The following LUZP1 variants were observed in gnomAD, a reference collection of about 807,000 sequenced individuals.
LUZP1 encodes the protein leucine zipper protein 1, also known as filamin mechanobinding actin cross-linking protein.
Under a neutral mutation model 71.3 loss-of-function variants are expected in LUZP1, and 25 were observed. The ratio of observed to expected loss-of-function variants is 0.35; its 90% CI spans 0.26 to 0.49. The LOEUF is 0.49. LUZP1 is among the 20% of genes least tolerant of loss of function. The pLI is 0.99. For synonymous variants in LUZP1, 481 were observed against 506.4 expected, an observed-to-expected ratio of 0.95 and a Z score of 0.67; for missense variants, 1,142 against 1,300.8, an observed-to-expected ratio of 0.88 and a Z score of 1.88.
At chr1:23,096,280 G>A (rs115187750) in intron 3 of LUZP1, among the ~76,000 whole-genome samples, 2 of 152,254 alleles carry the variant, frequency 1.3e-5, no homozygotes, top group South Asian at 2.1e-4. Context: ...AGAGAGATAC[G>A]TAATTACAAA....
intron 2 of LUZP1, among the ~76,000 whole-genome samples, chr1:23,166,289 C>T (rs2776822): frequency 0.59 from 89,371 of 151,896 alleles, 29,193 homozygotes; most frequent in African/African-American, 0.89. Flanking sequence ...TCCAGTGCCA[C>T]TTCTTACTAG....
Position 23,094,059 on chromosome 1 carries a change from A to T in LUZP1, c.203T>A (p.Leu68Gln), listed in dbSNP as rs748116830. The T allele has an allele frequency of 6.2e-7, 1 of 1,614,188 alleles. No individual in the cohort carries two copies. The highest frequency in any genetic ancestry group is 8.5e-7 in the Non-Finnish European group (1 of 1,180,034). The change falls in exon 4 of 5, where the codon CTG (leucine) becomes CAG (glutamine). Residue 68 changes from leucine (L) to glutamine (Q), a missense_variant. By Grantham distance (113) the Leu-to-Gln change is moderately radical (BLOSUM62 -2). Coordinates refer to ENST00000302291, the Ensembl canonical transcript of LUZP1. The surrounding 1 kb of genome is among the most constrained non-coding windows in gnomAD (Gnocchi z 4.7). ...TTCAATTCTCAGCACCCGCTGGCGCAGCACTTCAATCTCCGCCAACATGCT... is the reference window on the plus strand; with the variant it reads ...TTCAATTCTCAGCACCCGCTGGCGCTGCACTTCAATCTCCGCCAACATGCT...
intron 3 of LUZP1, among the ~76,000 whole-genome samples, chr1:23,095,237 G>A (rs1269897027): frequency 6.6e-6 from 1 of 152,166 alleles, no homozygotes; most frequent in Non-Finnish European, 1.5e-5. Flanking sequence ...AGAATGGATT[G>A]ATAAATGTAT....
At chr1:23,126,807 G>T (rs1644175778) in intron 2 of LUZP1, among the ~76,000 whole-genome samples, 1 of 152,192 alleles carries the variant, frequency 6.6e-6, no homozygotes, top group Non-Finnish European at 1.5e-5. Flanking sequence ...GCCCAGAGAG[G>T]CTCTCTGCTA....
intron 3 of LUZP1, among the ~76,000 whole-genome samples, chr1:23,102,140 T>C (rs1319135625): frequency 6.6e-6 from 1 of 152,152 alleles, no homozygotes; most frequent in Non-Finnish European, 1.5e-5. Context: ...CTGTTTATAT[T>C]AAACCTTGGG....
At chr1:23,142,905 C>T (rs1326307091) in intron 2 of LUZP1, among the ~76,000 whole-genome samples, 1 of 151,628 alleles carries the variant, frequency 6.6e-6, no homozygotes, top group African/African-American at 2.4e-5. Flanking sequence ...GTGGCTCATA[C>T]CTATAATCCT....
chr1:23,165,857 T>A (rs1644505428), intron 2 of LUZP1, among the ~76,000 whole-genome samples: 1 of 152,088 alleles, frequency 6.6e-6, no homozygotes, highest in Non-Finnish European at 1.5e-5. Flanking sequence ...GTTACCTTAA[T>A]GATGGCCGCT....
intron 2 of LUZP1, chr1:23,109,478 C>G (rs1270477821): frequency 6.6e-6 from 1 of 152,202 alleles, no homozygotes; most frequent in African/African-American, 2.4e-5. Context: ...TCTCAGAAAT[C>G]AGCTACAGGT....
intron 2 of LUZP1, among the ~76,000 whole-genome samples, chr1:23,149,713 G>A (rs915355533): frequency 2.6e-5 from 4 of 152,134 alleles, no homozygotes; most frequent in South Asian, 2.1e-4. Flanking sequence ...GGTGGTTCAC[G>A]CCTATAATCC....
chr1:23,151,036 C>T (rs538299120), intron 2 of LUZP1, among the ~76,000 whole-genome samples: 2 of 152,106 alleles, frequency 1.3e-5, no homozygotes, highest in East Asian at 3.9e-4. Flanking sequence ...TGATTTAGAA[C>T]TGGGTTTTTT....
chr1:23,167,903 G>A (rs1010169623), intron 2 of LUZP1, among the ~76,000 whole-genome samples: 4 of 151,942 alleles, frequency 2.6e-5, no homozygotes, highest in Non-Finnish European at 5.9e-5. Context: ...CGGGGGCCGG[G>A]GGTGCGCCGG....
exon 5 of LUZP1, chr1:23,088,886 C>A: frequency 6.2e-7 from 1 of 1,612,830 alleles, no homozygotes; most frequent in Non-Finnish European, 8.5e-7. Context: ...CAACAGACAC[C>A]CAGCGGGCTC....
At chr1:23,117,693 AC>A (rs1644096513) in intron 2 of LUZP1, among the ~76,000 whole-genome samples, 1 of 151,780 alleles carries the variant, frequency 6.6e-6, no homozygotes, top group Non-Finnish European at 1.5e-5. Flanking sequence ...TCTGCCTCCC[AC>A]CCCTAAGCCC....
At position 23,094,027 on chromosome 1, in the gene LUZP1, CT is replaced by C. The variant is rs772605229; in HGVS notation, c.234del (p.Asp79ThrfsTer13). The C allele has an allele frequency of 6.2e-7, 1 of 1,614,204 alleles. No individual in the cohort carries two copies. Among genetic ancestry groups the C allele is most frequent in the Non-Finnish European group, 8.5e-7 (1 of 1,180,038 alleles). ...TCCTCTGCTCTCTTAATTTCCTCGT[CT>C]TTGCCTTCAATTCTCAGCACCCGCT... On this transcript the variant is annotated frameshift_variant, in exon 4 of 5. Transcript: ENST00000302291. LOFTEE classifies it high-confidence loss of function. This position sits in a 1 kb window ranked among gnomAD's most constrained non-coding sequence, Gnocchi z 4.7.
At chr1:23,137,677 G>T (rs1644265819) in intron 2 of LUZP1, among the ~76,000 whole-genome samples, 11 of 151,920 alleles carry the variant, frequency 7.2e-5, no homozygotes, top group Admixed American at 7.2e-4. Context: ...ATCCCCACTG[G>T]TATGGCTGTA....
In LUZP1 at chr1:23,093,470, T is replaced by A; in HGVS notation, c.792A>T (p.Leu264=). ...TTCTTGTTTCATTCTCTACCTGCTT[T>A]AGGTAGTCCAGACCACCCTTCCTTC... is the stretch of plus-strand genomic sequence containing the variant. Residue 264 remains leucine, a synonymous_variant, in exon 4 of 5, where the codon CTA becomes CTT. Coordinates refer to ENST00000302291, the Ensembl canonical transcript of LUZP1. This position sits in a 1 kb window ranked among gnomAD's most constrained non-coding sequence, Gnocchi z 4.2. The A allele has an allele frequency of 1.9e-6, 3 of 1,612,954 alleles. No individual in the cohort carries two copies. Among genetic ancestry groups the A allele is most frequent in the Non-Finnish European group, 2.5e-6 (3 of 1,179,758 alleles).
intron 2 of LUZP1, among the ~76,000 whole-genome samples, chr1:23,124,175 C>T (rs1644152337): frequency 6.6e-6 from 1 of 152,150 alleles, no homozygotes; most frequent in African/African-American, 2.4e-5. Context: ...CTTCATCAAA[C>T]AGCATTAGAA....
rs112657135 is a variant in LUZP1 at position 23,092,726 on chromosome 1, A to G, written c.1536T>C (p.Ser512=). 7.9e-5 allele frequency: 127 copies of G among 1,613,882 alleles called. No homozygotes were observed. In the African/African-American group the frequency reaches 1.3e-3, roughly 16 times the overall value. ...TGGGAACAGATCCATGGGTGGTGTCACTAAACGTTCGTGTTGTCTTCTCCA... is the reference window on the plus strand; with the variant it reads ...TGGGAACAGATCCATGGGTGGTGTCGCTAAACGTTCGTGTTGTCTTCTCCA... The change falls in exon 4 of 5, where the codon AGT becomes AGC. Residue 512 remains serine, a synonymous_variant. Transcript: ENST00000302291.
At chr1:23,105,220 T>C (rs910437476) in intron 3 of LUZP1, among the ~76,000 whole-genome samples, 4 of 151,844 alleles carry the variant, frequency 2.6e-5, no homozygotes, top group African/African-American at 9.7e-5. Context: ...GGTAAAAGGG[T>C]GGGATGGATG....
Sources: allele counts gnomAD v4.1 joint callset (sites outside exome capture counted in the v4.1 genomes callset), GRCh38; gene constraint gnomAD v4.1.1; non-coding constraint Gnocchi (gnomAD v3.1); transcripts MANE v1.5; gene names NCBI Gene and HGNC (gene_info 2026-07-23, HGNC 2026-07-21).